Variants in CEP128 observed in about 807,000 individuals in gnomAD.
CEP128 encodes the protein centrosomal protein 128kDa.
Under a neutral mutation model 156.7 loss-of-function variants are expected in CEP128, and 132 were observed. That is an observed-to-expected ratio of 0.84 (90% CI 0.73 to 0.97). The LOEUF (loss-of-function observed/expected upper bound fraction) is 0.97. Ranked by LOEUF, CEP128 falls within the 50% of genes least tolerant of loss-of-function variation. The pLI is 0.00. For missense variants in CEP128, 1,252 were observed against 1,281.9 expected, an observed-to-expected ratio of 0.98 and a Z score of 0.36; for synonymous variants, 469 against 448.9, an observed-to-expected ratio of 1.04 and a Z score of -0.57.
intron 19 of CEP128, among the ~76,000 whole-genome samples, chr14:80,652,573 A>G (rs1894954795): frequency 6.6e-6 from 1 of 152,226 alleles, no homozygotes; most frequent in Non-Finnish European, 1.5e-5. Context: ...TTATGCAGCC[A>G]ACAAACATGA....
chr14:80,529,457 T>C (rs1230641469), intron 22 of CEP128, among the ~76,000 whole-genome samples: 1 of 152,164 alleles, frequency 6.6e-6, no homozygotes, highest in Non-Finnish European at 1.5e-5. Context: ...AATACAACTT[T>C]TAAATTGTAC....
At chr14:80,538,778 T>C (rs1889604826) in intron 21 of CEP128, among the ~76,000 whole-genome samples, 1 of 152,210 alleles carries the variant, frequency 6.6e-6, no homozygotes, top group African/African-American at 2.4e-5. Flanking sequence ...AACTTTTACT[T>C]TCTTTCGTAT....
At chr14:80,820,664 T>A (rs1030125422) in intron 13 of CEP128, among the ~76,000 whole-genome samples, 1 of 152,220 alleles carries the variant, frequency 6.6e-6, no homozygotes, top group African/African-American at 2.4e-5. Flanking sequence ...AACCCTCCTG[T>A]CCTTGCTGCC....
intron 8 of CEP128, among the ~76,000 whole-genome samples, chr14:80,869,464 G>A (rs994551585): frequency 1.3e-5 from 2 of 151,866 alleles, no homozygotes; most frequent in Admixed American, 1.3e-4. Context: ...GTTCTAAGAG[G>A]GAGTTTTATG....
At position 80,729,091 on chromosome 14, in the gene CEP128, G is replaced by C. The variant is rs1033634026; in HGVS notation, c.2806+13984C>G. ...TGTGTGTGTGTGTGTGTGTGTGTGT[G>C]TGTGTGTGTGTGTGTGTGTGTGTGT... On this transcript the variant is annotated intron_variant, in intron 19 of 24. Transcript: ENST00000555265. Among the ~76,000 whole-genome samples the C allele has an allele frequency of 2.7e-3, 186 of 68,338 alleles. 5 individuals are homozygous for C. Among genetic ancestry groups the C allele is most frequent in the African/African-American group, 5.6e-3 (170 of 30,582 alleles). The allele number at this position is 68,338 out of a possible 152,430, so 44.8% of individuals were successfully genotyped here.
rs759119655 is a variant in CEP128 at position 80,914,410 on chromosome 14, T to C, written c.148-2A>G. On this transcript the variant is annotated splice_acceptor_variant, in intron 3 of 24. Transcript: ENST00000555265. LOFTEE classifies it high-confidence loss of function. Reference sequence around the variant, plus strand: ...TTGTCGCAGGTTCCGACTGGTATCCTTGAGAAAGAAAATGGACTGAATTAA... The same window carrying C: ...TTGTCGCAGGTTCCGACTGGTATCCCTGAGAAAGAAAATGGACTGAATTAA... The C allele has an allele frequency of 6.2e-7, 1 of 1,610,668 alleles. No homozygotes were observed. Among genetic ancestry groups the C allele is most frequent in the Admixed American group, 1.7e-5 (1 of 59,956 alleles).
At chr14:80,834,462 A>G (rs1438790848) in intron 12 of CEP128, among the ~76,000 whole-genome samples, 1 of 152,192 alleles carries the variant, frequency 6.6e-6, no homozygotes, top group East Asian at 1.9e-4. Flanking sequence ...AGGAAGAAAT[A>G]CCAGCTGAAA....
downstream of CEP128, among the ~76,000 whole-genome samples, chr14:80,496,091 G>T (rs990641782): frequency 2.6e-5 from 4 of 152,120 alleles, no homozygotes; most frequent in South Asian, 2.1e-4. Context: ...AATTTCTCCA[G>T]CTAGCCTGAA....
intron 20 of CEP128, among the ~76,000 whole-genome samples, chr14:80,569,681 A>T (rs190580319): frequency 2.0e-5 from 3 of 152,366 alleles, no homozygotes; most frequent in Admixed American, 6.5e-5. Context: ...TAACAGTTAA[A>T]CTAGTTCATT....
intron 13 of CEP128, among the ~76,000 whole-genome samples, chr14:80,828,175 G>C (rs1014872587): frequency 6.9e-5 from 10 of 145,136 alleles, no homozygotes; most frequent in Non-Finnish European, 1.3e-4. Context: ...CCATTCTGGA[G>C]TGCAGTGGTG....
At chr14:80,955,719 C>A in intron 2 of CEP128, 2 of 1,614,128 alleles carry the variant, frequency 1.2e-6, no homozygotes, top group Non-Finnish European at 1.7e-6. Flanking sequence ...TGCTGCTGCT[C>A]GACCTGCCCA....
chr14:80,907,072 A>T (rs1883924547), intron 4 of CEP128, among the ~76,000 whole-genome samples: 1 of 152,212 alleles, frequency 6.6e-6, no homozygotes, highest in Non-Finnish European at 1.5e-5. Context: ...AAGTTGCTTT[A>T]CTTGGTGAAA....
At chr14:80,748,982 T>A (rs1365244411) in intron 18 of CEP128, among the ~76,000 whole-genome samples, 1 of 152,118 alleles carries the variant, frequency 6.6e-6, no homozygotes, top group African/African-American at 2.4e-5. Context: ...GGATCTTTAA[T>A]AAACATCAGG....
At chr14:80,623,505 TA>T (rs984961999) in intron 19 of CEP128, among the ~76,000 whole-genome samples, 6 of 150,270 alleles carry the variant, frequency 4.0e-5, no homozygotes, top group Non-Finnish European at 4.4e-5. Context: ...AACCTAAAAA[TA>T]AAAAAAAATT....
intron 19 of CEP128, among the ~76,000 whole-genome samples, chr14:80,734,564 TGA>T (rs1282773826): frequency 6.6e-6 from 1 of 152,010 alleles, no homozygotes; most frequent in Non-Finnish European, 1.5e-5. Context: ...AAACAATAAC[TGA>T]GGGCTGGGCA....
At chr14:80,819,795 A>G (rs573295795) in intron 13 of CEP128, among the ~76,000 whole-genome samples, 101 of 152,290 alleles carry the variant, frequency 6.6e-4, no homozygotes, top group Non-Finnish European at 1.1e-3. Context: ...ATTGAGAGCA[A>G]GGATTGTGTG....
intron 16 of CEP128, among the ~76,000 whole-genome samples, chr14:80,777,589 T>C (rs1297606597): frequency 6.6e-5 from 10 of 152,246 alleles, no homozygotes; most frequent in South Asian, 2.1e-4. Context: ...ATCTGACTTA[T>C]AGTAGATCCT....
chr14:80,861,725 G>A (rs1887521063), intron 9 of CEP128, among the ~76,000 whole-genome samples: 1 of 152,106 alleles, frequency 6.6e-6, no homozygotes, highest in African/African-American at 2.4e-5. Flanking sequence ...GGACACTACT[G>A]TAGTAGCAAA....
Position 80,831,160 on chromosome 14 carries a change from A to G in CEP128, c.1192T>C (p.Leu398=), listed in dbSNP as rs1258143457. The change falls in exon 13 of 25, where the codon TTG becomes CTG. Residue 398 remains leucine, a synonymous_variant. Coordinates refer to ENST00000555265, the MANE Select transcript of CEP128 (RefSeq NM_152446.5). The stretch of plus-strand genomic sequence containing the variant: ...AAAGTCACCTCTACTTGTGATGCCA[A>G]ATGTGCTTTCTCCTTGTCTTTTCTC... The part of the protein sequence containing the change: ...MERKDKEKAH[L]ASQVENLTRE... 1 of 1,613,940 alleles carries G rather than the reference A, an allele frequency of 6.2e-7. No homozygotes were observed. The highest frequency in any genetic ancestry group is 2.2e-5 in the East Asian group (1 of 44,846).
Sources: allele counts gnomAD v4.1 joint callset (sites outside exome capture counted in the v4.1 genomes callset), GRCh38; gene constraint gnomAD v4.1.1; transcripts MANE v1.5; gene names NCBI Gene and HGNC (gene_info 2026-07-23, HGNC 2026-07-21).